Variants in MIDN observed in about 807,000 individuals in gnomAD.
MIDN encodes midbrain nucleolar protein.
Under a neutral mutation model 46.1 loss-of-function variants are expected in MIDN, and 26 were observed. The ratio of observed to expected loss-of-function variants is 0.56; its 90% CI spans 0.41 to 0.78. MIDN has a LOEUF of 0.78. Ranked by LOEUF, MIDN falls within the 30% of genes least tolerant of loss-of-function variation. The pLI is 0.00. For missense variants in MIDN, 850 were observed against 771.8 expected (o/e 1.10, Z -1.20); for synonymous variants, 432 against 343.3 (o/e 1.26, Z -2.86).
At chr19:1,256,062 C>G (rs896114439) in intron 8 of MIDN, among the ~76,000 whole-genome samples, 2 of 152,260 alleles carry the variant, frequency 1.3e-5, no homozygotes, top group East Asian at 1.9e-4. Flanking sequence ...AACACAACCC[C>G]CCTGCCAGCC....
Position 1,250,564 on chromosome 19 carries a change from C to G in MIDN, c.233+35C>G, listed in dbSNP as rs757976827. 4.6e-6 allele frequency: 5 copies of G among 1,098,642 alleles called. No individual in the cohort carries two copies. In the Admixed American group the frequency reaches 1.7e-4, roughly 38 times the overall value. The allele number at this position is 1,098,642 out of a possible 1,614,324, so 68.1% of individuals were successfully genotyped here. A position where few individuals can be genotyped will look rare whatever the true frequency, so the allele number is the denominator to read the frequency against. On this transcript the variant is annotated intron_variant, in intron 2 of 8. Transcript: ENST00000682408. ...GCGCGCCCCCGGCCGGCCGCCCCCT[C>G]GGGCCCCGGCCCCCGGGCGGGAACA...
intron 4 of MIDN, among the ~76,000 whole-genome samples, chr19:1,252,792 A>G (rs1454482907): frequency 2.0e-5 from 3 of 151,474 alleles, no homozygotes; most frequent in East Asian, 1.9e-4. Context: ...CTTTCCCTAC[A>G]TCGCGGGGGC....
At chr19:1,252,012 G>A in intron 4 of MIDN, 111 bp downstream of exon 4, 2 of 897,808 alleles carry the variant, frequency 2.2e-6, no homozygotes, top group Non-Finnish European at 3.5e-6. Flanking sequence ...GGGAGGGGAG[G>A]GGACGCGCCA....
chr19:1,255,403 C>G lies in MIDN; in HGVS notation c.986-19C>G. ...GGACTGTGCCCGTGCCGGGCACTCA[C>G]GGCCACCTCTGCCCGCAGGCACGCT... is the stretch of plus-strand genomic sequence containing the variant. On this transcript the variant is annotated intron_variant, in intron 7 of 8. Coordinates refer to ENST00000682408, the MANE Select transcript of MIDN (RefSeq NM_001388306.1). The G allele has an allele frequency of 1.3e-6, 2 of 1,558,358 alleles. No homozygotes were observed. Among genetic ancestry groups the G allele is most frequent in the South Asian group, 2.3e-5 (2 of 85,866 alleles).
chr19:1,251,840 C>A lies in MIDN; in HGVS notation c.323C>A (p.Ser108Tyr), dbSNP rs779362405. ...LVPTVEAGLM[S>Y]QASRPEQSVM... Reference sequence around the variant, plus strand: ...CCCCTCTCCTCCCTCTCTTTGTAGTCTCAGGCCTCAAGGCCGGAACAGTCC... The same window carrying A: ...CCCCTCTCCTCCCTCTCTTTGTAGTATCAGGCCTCAAGGCCGGAACAGTCC... The change falls in exon 4 of 9, where the codon TCT becomes TAT. Residue 108 changes from serine (S) to tyrosine (Y), a missense_variant and splice_region_variant. Coordinates refer to ENST00000682408, the MANE Select transcript of MIDN (RefSeq NM_001388306.1). The A allele has an allele frequency of 1.2e-6, 2 of 1,613,194 alleles. No individual in the cohort carries two copies. The highest frequency in any genetic ancestry group is 1.1e-5 in the South Asian group (1 of 91,072).
At chr19:1,251,730 A>T in intron 3 of MIDN, 81 bp downstream of exon 3, 1 of 1,521,352 alleles carries the variant, frequency 6.6e-7, no homozygotes, top group Non-Finnish European at 9.0e-7. Context: ...GTCCGCACAC[A>T]CACTACCTGG....
In MIDN at chr19:1,257,168, G is replaced by T; in HGVS notation, c.1432G>T (p.Gly478Cys). The change falls in exon 9 of 9, where the codon GGC (glycine) becomes TGC (cysteine). Residue 478 changes from glycine (G) to cysteine (C), a missense_variant. Coordinates refer to ENST00000682408, the MANE Select transcript of MIDN (RefSeq NM_001388306.1). ...GRSDSSSSGG[G>C]GSPSEASGLG... The stretch of plus-strand genomic sequence containing the variant: ...CAGCGACAGCAGTAGCAGCGGGGGC[G>T]GCGGCAGCCCCAGCGAGGCCTCCGG... 1 of 1,611,648 alleles carries T rather than the reference G, an allele frequency of 6.2e-7. No individual in the cohort carries two copies. Among genetic ancestry groups the T allele is most frequent in the Middle Eastern group, 1.7e-4 (1 of 6,048 alleles).
At chr19:1,255,286 C>T in intron 7 of MIDN, 136 bp from the exon 8 acceptor site, 1 of 1,252,284 alleles carries the variant, frequency 8.0e-7, no homozygotes, top group Non-Finnish European at 1.1e-6. Flanking sequence ...CCCGCTCCCG[C>T]CCCGTGGTCC....
chr19:1,251,511 C>A (rs777660226), intron 2 of MIDN, 51 bp from the exon 3 acceptor site: 4 of 1,558,642 alleles, frequency 2.6e-6, no homozygotes, highest in East Asian at 2.3e-5. Flanking sequence ...TCTGCTTCCG[C>A]GTCCCTGTGT....
At chr19:1,252,582 G>A (rs1174522181) in intron 4 of MIDN, among the ~76,000 whole-genome samples, 1 of 149,022 alleles carries the variant, frequency 6.7e-6, no homozygotes, top group Non-Finnish European at 1.5e-5. Context: ...TCATTTTCTT[G>A]GCTGCGGCCA....
intron 7 of MIDN, 113 bp downstream of exon 7, chr19:1,255,174 C>G: frequency 1.5e-6 from 2 of 1,310,074 alleles, no homozygotes; most frequent in Admixed American, 2.2e-5. Context: ...CAGGCTGTGT[C>G]CGTCTGCTCA....
At chr19:1,251,238 C>G in intron 2 of MIDN, 1 of 333,684 alleles carries the variant, frequency 3.0e-6, no homozygotes, top group East Asian at 7.2e-5. Flanking sequence ...AGGGGCTGCC[C>G]TGGGGTCGTG....
At chr19:1,251,936 C>A (rs780503537) in intron 4 of MIDN, 35 bp downstream of exon 4, 2 of 1,590,992 alleles carry the variant, frequency 1.3e-6, no homozygotes, top group Non-Finnish European at 1.7e-6. Context: ...AACAGGGCAG[C>A]CCTGGGAGCA....
In MIDN at chr19:1,254,189, G is replaced by T; in HGVS notation, c.536G>T (p.Arg179Leu). 6.3e-7 allele frequency: 1 copy of T among 1,597,792 alleles called. No homozygotes were observed. Among genetic ancestry groups the T allele is most frequent in the Non-Finnish European group, 8.5e-7 (1 of 1,177,510 alleles). ...RPQVSDFLSG[R>L]SPLTLALRVG... The stretch of plus-strand genomic sequence containing the variant: ...CAGGTCAGTGACTTCCTGTCGGGCC[G>T]TTCGCCACTGACACTGGCCTTGCGT... Residue 179 changes from arginine (R) to leucine (L), a missense_variant, in exon 6 of 9, where the codon CGT (arginine) becomes CTT (leucine). By Grantham distance (102) the Arg-to-Leu change is moderately radical (BLOSUM62 -2). Transcript: ENST00000682408.
At chr19:1,251,530 C>T (rs767172503) in intron 2 of MIDN, 32 bp from the exon 3 acceptor site, 6 of 1,599,798 alleles carry the variant, frequency 3.8e-6, no homozygotes, top group Non-Finnish European at 4.3e-6. Context: ...GTCGTCTCCG[C>T]GGAGTCTCAT....
rs73494667 is a variant in MIDN, at chr19:1,253,696, A to C, written c.385-258A>C. 605 of 224,786 alleles carry C rather than the reference A, an allele frequency of 2.7e-3. 3 individuals carry two copies. Among genetic ancestry groups the C allele is most frequent in the African/African-American group, 0.013 (562 of 42,044 alleles). 13.9% of individuals were successfully genotyped at this position (224,786 alleles called of 1,614,324 possible). On this transcript the variant is annotated intron_variant, in intron 4 of 8. Coordinates refer to ENST00000682408, the MANE Select transcript of MIDN (RefSeq NM_001388306.1). ...AGAAAGCAAAGGTTAGGACAGAAGAATTCGTGCAGGAATTCCACCCACTTG... is the reference window on the plus strand; with the variant it reads ...AGAAAGCAAAGGTTAGGACAGAAGACTTCGTGCAGGAATTCCACCCACTTG...
At chr19:1,254,108 G>T (rs575158364) in intron 5 of MIDN, 26 bp downstream of exon 5, 6 of 1,544,868 alleles carry the variant, frequency 3.9e-6, no homozygotes, top group Admixed American at 1.9e-5. Flanking sequence ...GACTGGGCCG[G>T]GCTGGGCTGG....
Position 1,254,075 on chromosome 19 carries a change from G to A in MIDN, c.506G>A (p.Arg169Lys), listed in dbSNP as rs941299163. 20 of 1,479,074 alleles carry A rather than the reference G, an allele frequency of 1.4e-5. No individual in the cohort carries two copies. The highest frequency in any genetic ancestry group is 1.7e-5 in the Non-Finnish European group (19 of 1,122,690). 91.6% of individuals were successfully genotyped at this position (1,479,074 alleles called of 1,614,324 possible). A position where few individuals can be genotyped will look rare whatever the true frequency, so the allele number is the denominator to read the frequency against. ...CAGAGCCCAGAGAGGGGCGGCGAGAGGCCCCAGGTCACAGCGCGGGGGGAC... is the reference window on the plus strand; with the variant it reads ...CAGAGCCCAGAGAGGGGCGGCGAGAAGCCCCAGGTCACAGCGCGGGGGGAC... Reference protein sequence around the residue: ...GPQSPERGGERPQVSDFLSGR... With the variant: ...GPQSPERGGEKPQVSDFLSGR... The change falls in exon 5 of 9, where the codon AGG becomes AAG. Residue 169 changes from arginine (R) to lysine (K), a missense_variant. Coordinates refer to ENST00000682408, the MANE Select transcript of MIDN (RefSeq NM_001388306.1).
Position 1,255,570 on chromosome 19 carries a change from G to C in MIDN, c.1134G>C (p.Gln378His), listed in dbSNP as rs1477368148. The change falls in exon 8 of 9, where the codon CAG becomes CAC. Residue 378 changes from glutamine (Q) to histidine (H), a missense_variant. By Grantham distance (24) the Gln-to-His change is conservative. Transcript: ENST00000682408. ...PSLAQLRCHA[Q>H]CSPASPAPDL... ...TGGCCCAGCTCCGCTGCCACGCCCA[G>C]TGCTCCCCGGCCTCACCGGCCCCCG... 3.1e-6 allele frequency: 5 copies of C among 1,611,766 alleles called. No individual in the cohort carries two copies. Among genetic ancestry groups the C allele is most frequent in the South Asian group, 1.1e-5 (1 of 91,022 alleles).
Sources: allele counts gnomAD v4.1 joint callset (sites outside exome capture counted in the v4.1 genomes callset), GRCh38; gene constraint gnomAD v4.1.1; transcripts MANE v1.5; gene names NCBI Gene and HGNC (gene_info 2026-07-23, HGNC 2026-07-21).